Variants in ADRA1A observed in about 807,000 individuals in gnomAD.
ADRA1A encodes alpha-1A adrenergic receptor.
Under a neutral mutation model 29.6 loss-of-function variants are expected in ADRA1A, and 31 were observed. The ratio of observed to expected loss-of-function variants is 1.05; its 90% CI spans 0.79 to 1.41. The LOEUF (loss-of-function observed/expected upper bound fraction) is 1.41. Ranked by LOEUF, ADRA1A falls within the 40% of genes most tolerant of loss-of-function variation. The pLI is 0.00. For synonymous variants in ADRA1A, 311 were observed against 254.3 expected (o/e 1.22, Z -2.12); for missense variants, 619 against 601.1 (o/e 1.03, Z -0.31).
Position 26,864,570 on chromosome 8 carries a change from A to G in ADRA1A, c.400T>C (p.Tyr134His), listed in dbSNP as rs1223908061. The G allele has an allele frequency of 1.2e-6, 2 of 1,614,084 alleles. No homozygotes were observed. The highest frequency in any genetic ancestry group is 2.2e-5 in the South Asian group (2 of 91,078). The change falls in exon 2 of 3, where the codon TAC (tyrosine) becomes CAC (histidine). Residue 134 changes from tyrosine to histidine, a missense_variant. By Grantham distance (83) the Tyr-to-His change is moderately conservative (BLOSUM62 2). Transcript: ENST00000380573. This position sits in a 1 kb window ranked among gnomAD's most constrained non-coding sequence, Gnocchi z 8.1. ...RYIGVSYPLR[Y>H]PTIVTQRRGL... is the part of the protein sequence containing the mutation. ...CTCCTCTGGGTGACGATGGTTGGGT[A>G]GCGCAGCGGGTAGCTCACGCCGATG...
chr8:26,864,610 G>C lies in ADRA1A; in HGVS notation c.360C>G (p.Ile120Met). The change falls in exon 2 of 3, where the codon ATC becomes ATG. Residue 120 changes from isoleucine to methionine, a missense_variant. Coordinates refer to ENST00000380573, the MANE Select transcript of ADRA1A (RefSeq NM_000680.4). The surrounding 1 kb of genome is among the most constrained non-coding windows in gnomAD (Gnocchi z 8.1). ...TCACGCCGATGTAGCGGTCGATGGAGATGATGCAGAGGCCCATGATGGACG... is the reference window on the plus strand; with the variant it reads ...TCACGCCGATGTAGCGGTCGATGGACATGATGCAGAGGCCCATGATGGACG... ...CTASIMGLCI[I>M]SIDRYIGVSY... is the part of the protein sequence containing the mutation. 1 of 1,614,192 alleles carries C rather than the reference G, an allele frequency of 6.2e-7. No homozygotes were observed. Among genetic ancestry groups the C allele is most frequent in the Non-Finnish European group, 8.5e-7 (1 of 1,180,050 alleles).
At chr8:26,807,482 C>G (rs1198521786) in intron 2 of ADRA1A, among the ~76,000 whole-genome samples, 1 of 152,196 alleles carries the variant, frequency 6.6e-6, no homozygotes, top group Non-Finnish European at 1.5e-5. Flanking sequence ...AATGTCATCT[C>G]TCAGAGAAGC....
intron 2 of ADRA1A, among the ~76,000 whole-genome samples, chr8:26,822,707 G>A (rs35540562): frequency 0.033 from 5,053 of 152,264 alleles, 157 homozygotes; most frequent in African/African-American, 0.083. Context: ...GAATGCCTGA[G>A]ACTGGGTAAT....
chr8:26,755,737 A>G (rs1563227821), downstream of ADRA1A, among the ~76,000 whole-genome samples: 1 of 152,184 alleles, frequency 6.6e-6, no homozygotes, highest in Non-Finnish European at 1.5e-5. Context: ...TTGGAGGGCA[A>G]GGACTATGTC....
intron 2 of ADRA1A, among the ~76,000 whole-genome samples, chr8:26,788,380 C>G (rs1204572564): frequency 6.6e-6 from 1 of 152,062 alleles, no homozygotes; most frequent in Admixed American, 6.6e-5. Context: ...TTTGTTTCTT[C>G]TTTTTGTCAC....
Position 26,844,790 on chromosome 8 carries a change from G to A in ADRA1A, c.883+19297C>T, listed in dbSNP as rs112840521. ...TCTTAGGAGAAACTATAACTCTTAG[G>A]AGAAAACATAAGGATACATTTTTGC... On this transcript the variant is annotated intron_variant, in intron 2 of 2. Coordinates refer to ENST00000380573, the MANE Select transcript of ADRA1A (RefSeq NM_000680.4). 2.5e-3 allele frequency among the ~76,000 whole-genome samples: 374 copies of A among 152,224 alleles called. 2 individuals carry two copies. The highest frequency in any genetic ancestry group is 1.6e-3 in the Non-Finnish European group (109 of 68,000).
At chr8:26,834,457 G>A (rs1009399286) in intron 2 of ADRA1A, among the ~76,000 whole-genome samples, 1 of 152,210 alleles carries the variant, frequency 6.6e-6, no homozygotes, top group Non-Finnish European at 1.5e-5. Context: ...GTGTTTTTAA[G>A]TTGCATTCAT....
chr8:26,785,281 A>G (rs952272405), intron 2 of ADRA1A, among the ~76,000 whole-genome samples: 8 of 152,206 alleles, frequency 5.3e-5, no homozygotes, highest in African/African-American at 9.6e-5. Context: ...ATGTATTTCA[A>G]TAACTCCTAA....
rs7017961 is a variant in ADRA1A, at chr8:26,815,412, A to G, written c.884-44746T>C. Among the ~76,000 whole-genome samples, 108,332 of 152,086 alleles carry G rather than the reference A, an allele frequency of 0.71. 39,244 individuals are homozygous for G. The highest frequency in any genetic ancestry group is 0.96 in the East Asian group (4,998 of 5,188). Reference sequence around the variant, plus strand: ...CCAAAGCACTAAAACAAGAGGTAGCAAAAACCTAAGTATTAATGTAACACT... The same window carrying G: ...CCAAAGCACTAAAACAAGAGGTAGCGAAAACCTAAGTATTAATGTAACACT... On this transcript the variant is annotated intron_variant, in intron 2 of 2. Transcript: ENST00000380573. This position sits in a 1 kb window ranked among gnomAD's most constrained non-coding sequence, Gnocchi z 4.2.
intron 2 of ADRA1A, among the ~76,000 whole-genome samples, chr8:26,801,368 T>C (rs1467540124): frequency 6.6e-6 from 1 of 152,124 alleles, no homozygotes; most frequent in African/African-American, 2.4e-5. Context: ...AATCTTATGT[T>C]TGAAAAAAAT....
At chr8:26,811,692 C>A (rs567092006) in intron 2 of ADRA1A, among the ~76,000 whole-genome samples, 1 of 152,308 alleles carries the variant, frequency 6.6e-6, no homozygotes, top group East Asian at 1.9e-4. Flanking sequence ...AGTTCCAAAT[C>A]TTCAGATATA....
intron 2 of ADRA1A, among the ~76,000 whole-genome samples, chr8:26,828,651 G>A (rs1353123983): frequency 2.0e-5 from 3 of 152,128 alleles, no homozygotes; most frequent in South Asian, 4.1e-4. Context: ...ACTGGCATTC[G>A]CATAATATGA....
intron 2 of ADRA1A, among the ~76,000 whole-genome samples, chr8:26,859,483 C>G (rs1398680019): frequency 6.6e-6 from 1 of 152,184 alleles, no homozygotes; most frequent in South Asian, 2.1e-4. Context: ...CTCTGAGCAC[C>G]TATGTCATAG....
intron 2 of ADRA1A, among the ~76,000 whole-genome samples, chr8:26,828,970 C>G (rs148392546): frequency 6.6e-6 from 1 of 152,272 alleles, no homozygotes; most frequent in African/African-American, 2.4e-5. Flanking sequence ...TTTTAAAAAG[C>G]ACAGTACCTG....
At chr8:26,810,749 T>C (rs980337725) in intron 2 of ADRA1A, among the ~76,000 whole-genome samples, 2 of 152,216 alleles carry the variant, frequency 1.3e-5, no homozygotes, top group African/African-American at 4.8e-5. Context: ...GAATCATATA[T>C]GACCAACACA....
At chr8:26,748,685 G>A (rs544593378) in exon 3 of ADRA1A, 13 of 370,890 alleles carry the variant, frequency 3.5e-5, no homozygotes, top group East Asian at 9.9e-5. Context: ...CCCGGGAGGC[G>A]GAGGTTGCAG....
chr8:26,773,261 G>A (rs779191769), intron 2 of ADRA1A, among the ~76,000 whole-genome samples: 5 of 152,210 alleles, frequency 3.3e-5, no homozygotes, highest in Non-Finnish European at 7.3e-5. Flanking sequence ...GATGGGGAGT[G>A]ATAAAGTGTG....
chr8:26,771,318 A>G (rs1806126625), intron 2 of ADRA1A, among the ~76,000 whole-genome samples: 1 of 152,218 alleles, frequency 6.6e-6, no homozygotes, highest in African/African-American at 2.4e-5. Flanking sequence ...TCACATTCGG[A>G]GTCCTCCACA....
downstream of ADRA1A, chr8:26,766,129 A>G: frequency 6.2e-7 from 1 of 1,612,124 alleles, no homozygotes; most frequent in Non-Finnish European, 8.5e-7. Flanking sequence ...TCTTGGTGAA[A>G]TATCTACAAT....
Sources: allele counts gnomAD v4.1 joint callset (sites outside exome capture counted in the v4.1 genomes callset), GRCh38; gene constraint gnomAD v4.1.1; non-coding constraint Gnocchi (gnomAD v3.1); transcripts MANE v1.5; gene names NCBI Gene and HGNC (gene_info 2026-07-23, HGNC 2026-07-21).